Variants in NKAIN2 observed in about 807,000 individuals in gnomAD.
NKAIN2 encodes the protein sodium/potassium transporting ATPase interacting 2.
A neutral mutation model predicts 32.6 loss-of-function variants in NKAIN2; 14 were observed. The observed-to-expected ratio is 0.43, with a 90% confidence interval of 0.28 to 0.67. The LOEUF (loss-of-function observed/expected upper bound fraction) is 0.67, where lower values mean the gene tolerates loss of function less well. Among genes scored for constraint, NKAIN2 ranks in the 30% least tolerant of loss-of-function variants. NKAIN2 has a pLI of 0.17. For missense variants in NKAIN2, 198 were observed against 258.3 expected, an observed-to-expected ratio of 0.77 and a Z score of 1.60; for synonymous variants, 80 against 87.2, an observed-to-expected ratio of 0.92 and a Z score of 0.46.
At chr6:124,145,192 A>G (rs1787340292) in intron 1 of NKAIN2, among the ~76,000 whole-genome samples, 1 of 152,212 alleles carries the variant, frequency 6.6e-6, no homozygotes, top group South Asian at 2.1e-4. Context: ...GAAAAATGTT[A>G]GACAAACTGG....
intron 1 of NKAIN2, among the ~76,000 whole-genome samples, chr6:123,876,044 A>C (rs1274145625): frequency 6.6e-6 from 1 of 151,984 alleles, no homozygotes; most frequent in Non-Finnish European, 1.5e-5. Flanking sequence ...TACACACCCA[A>C]GTCATTTTTT....
At position 124,649,889 on chromosome 6, in the gene NKAIN2, A is replaced by G. The variant is rs1263563819; in HGVS notation, c.274-8297A>G. ...ATATCTATAGATGTACATCGTATCA[A>G]TAGATGTACCTCACATCAGTAGATG... On this transcript the variant is annotated intron_variant, in intron 3 of 6. Transcript: ENST00000368417. Among the ~76,000 whole-genome samples the G allele has an allele frequency of 3.9e-5, 6 of 152,220 alleles. No individual in the cohort carries two copies. The East Asian group carries it at 1.2e-3, about 29-fold the overall frequency.
rs41285246 is a variant in NKAIN2 at position 124,825,516 on chromosome 6, A to G, written c.*2287A>G. Reference sequence around the variant, plus strand: ...TTATAAACTTAATATTCAGAAGGCAAGGGTTATGATCCTGATGTGTCCTTT... The same window carrying G: ...TTATAAACTTAATATTCAGAAGGCAGGGGTTATGATCCTGATGTGTCCTTT... On this transcript the variant is annotated 3_prime_UTR_variant, in exon 7 of 7. Coordinates refer to ENST00000368417, the MANE Select transcript of NKAIN2 (RefSeq NM_001040214.3). The G allele has an allele frequency of 6.6e-6, 1 of 152,624 alleles. No individual in the cohort carries two copies. The highest frequency in any genetic ancestry group is 2.4e-5 in the African/African-American group (1 of 41,454). The allele number at this position is 152,624 out of a possible 1,614,324, so 9.5% of individuals were successfully genotyped here. A position where few individuals can be genotyped will look rare whatever the true frequency, so the allele number is the denominator to read the frequency against.
intron 1 of NKAIN2, among the ~76,000 whole-genome samples, chr6:124,206,083 C>T (rs759556494): frequency 9.2e-5 from 14 of 151,982 alleles, no homozygotes; most frequent in Non-Finnish European, 1.8e-4. Flanking sequence ...ATTTCCCAAC[C>T]ACAGTAATCA....
intron 3 of NKAIN2, among the ~76,000 whole-genome samples, chr6:124,478,429 A>G (rs965198166): frequency 6.6e-6 from 1 of 152,204 alleles, no homozygotes; most frequent in Non-Finnish European, 1.5e-5. Flanking sequence ...AACAGGGAAT[A>G]CACAAAATAA....
chr6:123,832,471 C>T (rs1288888287), intron 1 of NKAIN2, among the ~76,000 whole-genome samples: 1 of 152,158 alleles, frequency 6.6e-6, no homozygotes, highest in African/African-American at 2.4e-5. Context: ...AAGTTTTTGA[C>T]ACCTTTGAGT....
At chr6:124,816,318 A>G (rs1054849409) in intron 5 of NKAIN2, among the ~76,000 whole-genome samples, 3 of 152,192 alleles carry the variant, frequency 2.0e-5, no homozygotes, top group Admixed American at 2.0e-4. Context: ...GGGGAATTTT[A>G]GGGCAGCGAA....
At chr6:124,619,656 A>G (rs1296888436) in intron 3 of NKAIN2, among the ~76,000 whole-genome samples, 1 of 152,214 alleles carries the variant, frequency 6.6e-6, no homozygotes. Flanking sequence ...AGAGATGCTA[A>G]GATCATGACA....
chr6:124,298,221 T>C (rs1796144409), intron 2 of NKAIN2, among the ~76,000 whole-genome samples: 1 of 152,186 alleles, frequency 6.6e-6, no homozygotes, highest in African/African-American at 2.4e-5. Flanking sequence ...CAATACTCTT[T>C]TAGCAGAACT....
In NKAIN2 at chr6:124,756,501, A is replaced by G. The variant is rs1015300023; in HGVS notation, c.475-34838A>G. The stretch of plus-strand genomic sequence containing the variant: ...CCACACTGCTGGATATTGAAAGAAT[A>G]TTTAAATAGGCAAGCTGGGCACAGT... On this transcript the variant is annotated intron_variant, in intron 4 of 6. Transcript: ENST00000368417. Among the ~76,000 whole-genome samples the G allele has an allele frequency of 2.6e-5, 4 of 152,172 alleles. No homozygotes were observed. In the East Asian group the frequency reaches 7.7e-4, roughly 29 times the overall value.
At chr6:124,129,584 G>T (rs965992589) in intron 1 of NKAIN2, among the ~76,000 whole-genome samples, 1 of 152,078 alleles carries the variant, frequency 6.6e-6, no homozygotes, top group African/African-American at 2.4e-5. Context: ...ATGGCATTAA[G>T]GTTTTGTCAC....
At chr6:123,939,817 G>T (rs940104712) in intron 1 of NKAIN2, among the ~76,000 whole-genome samples, 1 of 151,478 alleles carries the variant, frequency 6.6e-6, no homozygotes, top group African/African-American at 2.4e-5. Context: ...TTTTTTTCCA[G>T]TTATTGCAAG....
chr6:124,187,083 C>G (rs552978484), intron 1 of NKAIN2, among the ~76,000 whole-genome samples: 2 of 152,290 alleles, frequency 1.3e-5, no homozygotes, highest in Admixed American at 6.5e-5. Flanking sequence ...TTTGTTACAA[C>G]AGAGATGACT....
intron 3 of NKAIN2, among the ~76,000 whole-genome samples, chr6:124,485,027 C>T (rs1248761328): frequency 6.6e-6 from 1 of 152,116 alleles, no homozygotes; most frequent in Non-Finnish European, 1.5e-5. Context: ...TGATACAGGC[C>T]AGTACCAGGG....
rs372773809 is a variant in NKAIN2, at chr6:124,000,440, GA to G, written c.54+196195del. ...GAAGCCTCAGGAGTGAATATAAAAA[GA>G]AAAAAAAATTATAGTAAGAGTTTGA... On this transcript the variant is annotated intron_variant, in intron 1 of 6. Transcript: ENST00000368417. Among the ~76,000 whole-genome samples the G allele has an allele frequency of 2.1e-3, 320 of 150,256 alleles. 1 individual carries two copies. The highest frequency in any genetic ancestry group is 7.2e-3 in the African/African-American group (295 of 41,022).
intron 3 of NKAIN2, among the ~76,000 whole-genome samples, chr6:124,534,940 A>G (rs1471640527): frequency 6.6e-6 from 1 of 152,298 alleles, no homozygotes; most frequent in Admixed American, 6.5e-5. Context: ...CCTTATATAA[A>G]ATGGTATAGT....
chr6:124,577,727 G>A (rs559417841), intron 3 of NKAIN2, among the ~76,000 whole-genome samples: 2 of 152,118 alleles, frequency 1.3e-5, no homozygotes, highest in African/African-American at 2.4e-5. Flanking sequence ...AATAGCTGGG[G>A]CAGCCAAGGG....
At chr6:123,951,598 G>T (rs1490144305) in intron 1 of NKAIN2, among the ~76,000 whole-genome samples, 1 of 151,412 alleles carries the variant, frequency 6.6e-6, no homozygotes, top group Non-Finnish European at 1.5e-5. Flanking sequence ...TTTGATTTTG[G>T]TTGTTCAGTA....
intron 3 of NKAIN2, among the ~76,000 whole-genome samples, chr6:124,497,619 C>G (rs998448750): frequency 4.0e-5 from 6 of 151,684 alleles, no homozygotes; most frequent in Non-Finnish European, 8.8e-5. Flanking sequence ...AAATAATTAT[C>G]TTTAGAAAGG....
Sources: allele counts gnomAD v4.1 joint callset (sites outside exome capture counted in the v4.1 genomes callset), GRCh38; gene constraint gnomAD v4.1.1; transcripts MANE v1.5; gene names NCBI Gene and HGNC (gene_info 2026-07-23, HGNC 2026-07-21).